Variants in PRPF18 observed in about 807,000 individuals in gnomAD.
PRPF18 encodes the protein pre-mRNA-splicing factor 18.
Under a neutral mutation model 46.5 loss-of-function variants are expected in PRPF18, and 38 were observed. The ratio of observed to expected loss-of-function variants is 0.82; its 90% CI spans 0.63 to 1.07. The LOEUF (loss-of-function observed/expected upper bound fraction) is 1.07. PRPF18 is among the 50% of genes least tolerant of loss of function. The probability of loss-of-function intolerance (pLI) is 0.00; values close to 1 mark genes in which losing one functional copy is unlikely to be tolerated. For missense variants in PRPF18, 263 were observed against 410.0 expected, an observed-to-expected ratio of 0.64 and a Z score of 3.10; for synonymous variants, 152 against 146.7, an observed-to-expected ratio of 1.04 and a Z score of -0.26.
the PRPF18 span, chr10:13,652,036 A>G: frequency 2.3e-6 from 2 of 856,834 alleles, no homozygotes; most frequent in Non-Finnish European, 4.1e-6. Context: ...AGACACTGAC[A>G]CAGACACAGA....
chr10:13,633,165 G>C (rs959085679), downstream of PRPF18, among the ~76,000 whole-genome samples: 3 of 152,238 alleles, frequency 2.0e-5, no homozygotes, highest in Non-Finnish European at 4.4e-5. Flanking sequence ...TGTGGAAAGA[G>C]ACAAAGGACA....
chr10:13,629,457 C>T (rs1377014745), intron 9 of PRPF18, among the ~76,000 whole-genome samples: 2 of 152,194 alleles, frequency 1.3e-5, no homozygotes, highest in Non-Finnish European at 2.9e-5. Context: ...GCCTTACTCC[C>T]AGTTTAAGAA....
the PRPF18 span, chr10:13,654,379 G>A: frequency 3.9e-6 from 5 of 1,292,548 alleles, no homozygotes; most frequent in East Asian, 2.3e-5. Flanking sequence ...ACACTCTTTC[G>A]AGCTGACACA....
At chr10:13,652,122 C>G in the PRPF18 span, 11 of 668,166 alleles carry the variant, frequency 1.6e-5, no homozygotes, top group East Asian at 2.9e-4. Flanking sequence ...TCATACAAGT[C>G]ATGCAGTACT....
chr10:13,651,852 T>A, the PRPF18 span: 3 of 880,452 alleles, frequency 3.4e-6, no homozygotes, highest in Admixed American at 5.1e-5. Context: ...AAGCAACACA[T>A]GTGGGACCAC....
intron 1 of PRPF18, among the ~76,000 whole-genome samples, chr10:13,590,467 A>G (rs978785643): frequency 9.4e-5 from 14 of 148,708 alleles, no homozygotes; most frequent in Middle Eastern, 3.5e-3. Context: ...ATATATATAT[A>G]TATATTAGCT....
chr10:13,608,192 G>A (rs1288234501), intron 4 of PRPF18, among the ~76,000 whole-genome samples: 1 of 152,200 alleles, frequency 6.6e-6, no homozygotes, highest in Non-Finnish European at 1.5e-5. Context: ...CCAGTTCTGT[G>A]GTTTTATTGG....
At position 13,597,553 on chromosome 10, in the gene PRPF18, T is replaced by C. The variant is rs762696427; in HGVS notation, c.144+18T>C. ...GCTACAAGGTATGAATGTCTGCTTTTATGTTAAATTGTACATTTCTGAGTT... is the reference window on the plus strand; with the variant it reads ...GCTACAAGGTATGAATGTCTGCTTTCATGTTAAATTGTACATTTCTGAGTT... On this transcript the variant is annotated intron_variant, in intron 2 of 9. Transcript: ENST00000378572. The C allele has an allele frequency of 1.7e-5, 28 of 1,603,894 alleles. No individual in the cohort carries two copies. Among genetic ancestry groups the C allele is most frequent in the South Asian group, 4.5e-5 (4 of 89,486 alleles).
At chr10:13,594,509 G>C (rs1289488686) in intron 1 of PRPF18, among the ~76,000 whole-genome samples, 1 of 152,180 alleles carries the variant, frequency 6.6e-6, no homozygotes. Context: ...ATACATTAAA[G>C]CCTGTTCTAT....
chr10:13,592,248 T>C, intron 1 of PRPF18: 1 of 541,126 alleles, frequency 1.8e-6, no homozygotes, highest in South Asian at 1.6e-5. Flanking sequence ...TTTTTCACCT[T>C]GTCACCAGCC....
intron 9 of PRPF18, among the ~76,000 whole-genome samples, chr10:13,625,611 A>G (rs1435376791): frequency 6.6e-6 from 1 of 152,182 alleles, no homozygotes; most frequent in South Asian, 2.1e-4. Flanking sequence ...GAGTTTGTAG[A>G]ATGAAAAGAA....
chr10:13,599,588 A>T (rs1003903042), intron 2 of PRPF18, among the ~76,000 whole-genome samples: 2 of 152,172 alleles, frequency 1.3e-5, no homozygotes, highest in African/African-American at 4.8e-5. Flanking sequence ...TGTTTTTCCT[A>T]CAGGTTCATA....
chr10:13,641,917 A>C, the PRPF18 span: 1 of 152,208 alleles, frequency 6.6e-6, no homozygotes, highest in South Asian at 2.1e-4. Flanking sequence ...GGGGATAAAA[A>C]TTTATGAAGA....
At chr10:13,593,453 T>G (rs1486968009) in intron 1 of PRPF18, among the ~76,000 whole-genome samples, 1 of 152,232 alleles carries the variant, frequency 6.6e-6, no homozygotes, top group Non-Finnish European at 1.5e-5. Flanking sequence ...TGAAACAGAA[T>G]GGATGTCCAC....
At chr10:13,620,825 A>G (rs1336035482) in intron 9 of PRPF18, among the ~76,000 whole-genome samples, 1 of 152,252 alleles carries the variant, frequency 6.6e-6, no homozygotes, top group Non-Finnish European at 1.5e-5. Context: ...TAGAACTTAA[A>G]CAATGAAAGT....
chr10:13,605,590 A>AG, intron 3 of PRPF18, 41 bp from the exon 4 acceptor site: 3 of 1,532,274 alleles, frequency 2.0e-6, no homozygotes, highest in African/African-American at 2.8e-5. Flanking sequence ...AAAAAAAAAA[A>AG]AAAAAAAAAA....
intron 4 of PRPF18, among the ~76,000 whole-genome samples, chr10:13,607,516 G>A (rs1027445152): frequency 2.6e-5 from 4 of 151,916 alleles, no homozygotes; most frequent in Non-Finnish European, 4.4e-5. Context: ...GGGCTTAAGC[G>A]ATCTCCCACC....
downstream of PRPF18, among the ~76,000 whole-genome samples, chr10:13,633,321 G>A (rs552087734): frequency 2.6e-5 from 4 of 152,318 alleles, no homozygotes; most frequent in African/African-American, 9.6e-5. Context: ...CTTGATAGCA[G>A]TATGACTTTT....
chr10:13,605,792 C>G (rs1487953511), intron 4 of PRPF18, 48 bp downstream of exon 4: 1 of 1,537,072 alleles, frequency 6.5e-7, no homozygotes, highest in South Asian at 1.3e-5. Context: ...ACTGCATTCA[C>G]TAGAATAGAG....
Sources: allele counts gnomAD v4.1 joint callset (sites outside exome capture counted in the v4.1 genomes callset), GRCh38; gene constraint gnomAD v4.1.1; transcripts MANE v1.5; gene names NCBI Gene and HGNC (gene_info 2026-07-23, HGNC 2026-07-21).